Variants in PDZRN4 observed in about 807,000 individuals in gnomAD.
PDZRN4 encodes the protein PDZ domain containing ring finger 4.
PDZRN4 carries 70 observed loss-of-function variants against 99.0 expected under a neutral mutation model. The observed-to-expected ratio is 0.71, with a 90% CI of 0.58 to 0.86. The LOEUF is 0.86. PDZRN4 is among the 40% of genes least tolerant of loss of function. PDZRN4 has a pLI of 0.00. For missense variants in PDZRN4, 1,474 were observed against 1,331.2 expected (o/e 1.11, Z -1.67); for synonymous variants, 551 against 501.6 (o/e 1.10, Z -1.32).
chr12:41,238,580 C>A (rs115998076), intron 3 of PDZRN4, among the ~76,000 whole-genome samples: 1 of 151,714 alleles, frequency 6.6e-6, no homozygotes, highest in Non-Finnish European at 1.5e-5. Flanking sequence ...GGACAGACAC[C>A]TCTCAAAAGA....
chr12:41,188,560 C>A lies in PDZRN4; in HGVS notation c.105C>A (p.His35Gln), dbSNP rs373138018. ...LEEPLCTPCG[H>Q]VFCASCLLPW... ...AGCCCCTGTGCACGCCGTGCGGGCA[C>A]GTCTTCTGCGCCAGCTGCCTGTTGC... Residue 35 changes from histidine (H) to glutamine (Q), a missense_variant, in exon 1 of 10, where the codon CAC becomes CAA. Physicochemically the swap from His to Gln is conservative, Grantham distance 24. Coordinates refer to ENST00000402685, the MANE Select transcript of PDZRN4 (RefSeq NM_001164595.2). The A allele has an allele frequency of 1.3e-6, 2 of 1,552,802 alleles. No individual in the cohort carries two copies. The highest frequency in any genetic ancestry group is 8.6e-7 in the Non-Finnish European group (1 of 1,156,662).
At chr12:41,347,373 A>C (rs1265087033) in intron 3 of PDZRN4, among the ~76,000 whole-genome samples, 1 of 151,998 alleles carries the variant, frequency 6.6e-6, no homozygotes, top group Non-Finnish European at 1.5e-5. Flanking sequence ...TGTGGATTTG[A>C]TTTGCATTTT....
At chr12:41,569,576 TC>T (rs1939439190) in intron 9 of PDZRN4, among the ~76,000 whole-genome samples, 1 of 152,170 alleles carries the variant, frequency 6.6e-6, no homozygotes, top group Non-Finnish European at 1.5e-5. Context: ...TCTTAACACA[TC>T]TTAAAAGATG....
chr12:41,389,778 C>T (rs549509120), intron 3 of PDZRN4, among the ~76,000 whole-genome samples: 4 of 152,324 alleles, frequency 2.6e-5, no homozygotes, highest in African/African-American at 9.6e-5. Context: ...TATTGCCCTT[C>T]GTGCTGGGCA....
intron 3 of PDZRN4, among the ~76,000 whole-genome samples, chr12:41,472,594 G>A (rs572408685): frequency 2.0e-5 from 3 of 152,252 alleles, no homozygotes; most frequent in Admixed American, 2.0e-4. Context: ...ATGTAGAAAA[G>A]TTCAATGTTT....
chr12:41,198,268 A>T (rs1030980174), intron 3 of PDZRN4, among the ~76,000 whole-genome samples: 2 of 151,998 alleles, frequency 1.3e-5, no homozygotes, highest in Admixed American at 1.3e-4. Flanking sequence ...CCATAACTCC[A>T]GAGTGGGAAA....
intron 3 of PDZRN4, among the ~76,000 whole-genome samples, chr12:41,383,449 G>A (rs1565567991): frequency 6.6e-6 from 1 of 152,176 alleles, no homozygotes; most frequent in African/African-American, 2.4e-5. Context: ...AAATAAAAAT[G>A]TATGTTTTAG....
At position 41,485,115 on chromosome 12, in the gene PDZRN4, A is replaced by G. The variant is rs564478314; in HGVS notation, c.844-21341A>G. 2.0e-5 allele frequency among the ~76,000 whole-genome samples: 3 copies of G among 152,254 alleles called. No individual in the cohort carries two copies. The South Asian group carries it at 6.2e-4, about 32-fold the overall frequency. ...ATTAGTTGATCTGACAAACACATCT[A>G]CAGTAAGTTGCAGTAAATGCTAATA... On this transcript the variant is annotated intron_variant, in intron 3 of 9. Coordinates refer to ENST00000402685, the MANE Select transcript of PDZRN4 (RefSeq NM_001164595.2).
intron 3 of PDZRN4, among the ~76,000 whole-genome samples, chr12:41,461,606 A>G (rs1488593992): frequency 3.9e-5 from 6 of 152,180 alleles, no homozygotes; most frequent in Admixed American, 1.3e-4. Context: ...ATTCATATAT[A>G]TTAACCAGAT....
At chr12:41,562,780 C>A (rs1689555177) in intron 7 of PDZRN4, among the ~76,000 whole-genome samples, 1 of 152,170 alleles carries the variant, frequency 6.6e-6, no homozygotes, top group East Asian at 1.9e-4. Flanking sequence ...TCACTGGAAT[C>A]TTTTCCATGA....
rs1312871578 is a variant in PDZRN4 at position 41,509,910 on chromosome 12, T to C, written c.1200T>C (p.Tyr400=). The change falls in exon 5 of 10, where the codon TAT becomes TAC. Residue 400 remains tyrosine (Y), a synonymous_variant. Transcript: ENST00000402685. ...ADADRTEDFE[Y]EEVELCRVSS... ...CAGACAGAACAGAAGACTTTGAATA[T>C]GAGGTAAGGTCATTTTCATACCACT... 8 of 1,489,230 alleles carry C rather than the reference T, an allele frequency of 5.4e-6. No individual in the cohort carries two copies. In the East Asian group the frequency reaches 1.1e-4, roughly 21 times the overall value. The allele number at this position is 1,489,230 out of a possible 1,614,324, so 92.3% of individuals were successfully genotyped here.
chr12:41,256,358 T>C (rs1951204209), intron 3 of PDZRN4, among the ~76,000 whole-genome samples: 3 of 152,142 alleles, frequency 2.0e-5, no homozygotes, highest in Non-Finnish European at 4.4e-5. Context: ...GTTTGCTCAT[T>C]GAAAAAAAAT....
At chr12:41,328,854 A>G (rs1565553245) in intron 3 of PDZRN4, among the ~76,000 whole-genome samples, 1 of 152,120 alleles carries the variant, frequency 6.6e-6, no homozygotes. Flanking sequence ...ACTGGGAGTG[A>G]GGCTTTTCTG....
chr12:41,379,055 C>A (rs1592035294), intron 3 of PDZRN4, among the ~76,000 whole-genome samples: 1 of 151,962 alleles, frequency 6.6e-6, no homozygotes, highest in Non-Finnish European at 1.5e-5. Flanking sequence ...TTTCTTTATT[C>A]ATCATTGTGC....
At chr12:41,317,424 GA>G (rs2120965919) in intron 3 of PDZRN4, among the ~76,000 whole-genome samples, 1 of 152,046 alleles carries the variant, frequency 6.6e-6, no homozygotes, top group East Asian at 2.0e-4. Context: ...ACAGGATGGA[GA>G]ATAATCTGCT....
intron 3 of PDZRN4, among the ~76,000 whole-genome samples, chr12:41,462,400 C>T (rs1303530066): frequency 6.6e-6 from 1 of 152,162 alleles, no homozygotes; most frequent in Non-Finnish European, 1.5e-5. Flanking sequence ...TATGCTTTAA[C>T]TCTAAAAAGG....
At chr12:41,490,428 T>C (rs892808747) in intron 3 of PDZRN4, among the ~76,000 whole-genome samples, 2 of 152,100 alleles carry the variant, frequency 1.3e-5, no homozygotes, top group South Asian at 2.1e-4. Flanking sequence ...CGTGTCTAAA[T>C]GGGCCGTAAT....
intron 3 of PDZRN4, among the ~76,000 whole-genome samples, chr12:41,464,535 T>C (rs901712293): frequency 6.6e-6 from 1 of 152,220 alleles, no homozygotes; most frequent in Non-Finnish European, 1.5e-5. Context: ...GTAGTTGATG[T>C]ATTTTTTTCT....
intron 3 of PDZRN4, among the ~76,000 whole-genome samples, chr12:41,427,154 A>G (rs1033731145): frequency 6.6e-6 from 1 of 152,182 alleles, no homozygotes. Flanking sequence ...CTATGACACC[A>G]ACCATTTTTA....
Sources: gnomAD v4.1 joint callset for allele counts (sites outside exome capture counted in the v4.1 genomes callset) on GRCh38, gnomAD v4.1.1 for gene constraint, MANE v1.5 for transcripts, NCBI Gene and HGNC (gene_info 2026-07-23, HGNC 2026-07-21) for gene names.